PFKFB2: variants seen among roughly 807,000 people sequenced by gnomAD.
PFKFB2 encodes 6-phosphofructo-2-kinase/fructose-2,6-biphosphatase 2.
Under a neutral mutation model 68.0 loss-of-function variants are expected in PFKFB2, and 53 were observed. The ratio of observed to expected loss-of-function variants is 0.78; its 90% CI spans 0.63 to 0.98. The LOEUF (loss-of-function observed/expected upper bound fraction) is 0.98. Ranked by LOEUF, PFKFB2 falls within the 50% of genes least tolerant of loss-of-function variation. The pLI, the probability that PFKFB2 is intolerant of heterozygous loss-of-function variation, is 0.00. For missense variants in PFKFB2, 451 were observed against 642.0 expected, an observed-to-expected ratio of 0.70 and a Z score of 3.22; for synonymous variants, 222 against 227.6, an observed-to-expected ratio of 0.98 and a Z score of 0.22.
At chr1:207,047,018 T>C (rs371219136) in intron 2 of PFKFB2, 1 of 152,358 alleles carries the variant, frequency 6.6e-6, no homozygotes, top group African/African-American at 2.4e-5. Flanking sequence ...TTGATAATTG[T>C]TATCTAGTGG....
rs755302163 is a variant in PFKFB2, at chr1:207,071,474, TTTCTTTAAGTCCTC to T, written c.1286-33_1286-20del. On this transcript the variant is annotated intron_variant, in intron 13 of 14. Coordinates refer to ENST00000367080, the MANE Select transcript of PFKFB2 (RefSeq NM_006212.2). Reference sequence around the variant, plus strand: ...ACTAAGGAATTTTCCATTGAACCTTTTTCTTTAAGTCCTCTCTTTCCTCTGTTTTCTCAGGGTGC... The same window carrying T: ...ACTAAGGAATTTTCCATTGAACCTTTTCTTTCCTCTGTTTTCTCAGGGTGC... 3.2e-6 allele frequency: 5 copies of T among 1,574,862 alleles called. No homozygotes were observed. The African/African-American group carries it at 6.8e-5, about 21-fold the overall frequency.
rs1250839260 is a variant in PFKFB2, at chr1:207,074,454, A to T, written c.*2083A>T. 1 of 985,322 alleles carries T rather than the reference A, an allele frequency of 1.0e-6. No homozygotes were observed. The highest frequency in any genetic ancestry group is 6.1e-5 in the Admixed American group (1 of 16,264). The allele number at this position is 985,322 out of a possible 1,614,324, so 61.0% of individuals were successfully genotyped here. On this transcript the variant is annotated 3_prime_UTR_variant, in exon 15 of 15. Coordinates refer to ENST00000367080, the MANE Select transcript of PFKFB2 (RefSeq NM_006212.2). ...CTCTAGAGAGCAGCTGGGGATTTTAAGCACCCTGGAGAGAGGTGCAGACCC... is the reference window on the plus strand; with the variant it reads ...CTCTAGAGAGCAGCTGGGGATTTTATGCACCCTGGAGAGAGGTGCAGACCC...
chr1:207,051,434 A>C (rs1254932684), upstream of PFKFB2, among the ~76,000 whole-genome samples: 2 of 152,256 alleles, frequency 1.3e-5, no homozygotes, highest in African/African-American at 4.8e-5. Context: ...GGACCAGTCA[A>C]AAACAATCAC....
At chr1:207,079,200 G>T (rs1572743574), downstream of PFKFB2, 1 of 615,300 alleles carries the variant, frequency 1.6e-6, no homozygotes, top group East Asian at 2.7e-5. Context: ...GGGAATATCA[G>T]TTACACTGAA....
chr1:207,052,310 A>G, upstream of PFKFB2: 1 of 1,257,090 alleles, frequency 8.0e-7, no homozygotes, highest in Non-Finnish European at 1.2e-6. Context: ...GACGACTGCA[A>G]CGGATGATAC....
rs946466381 is a variant in PFKFB2 at position 207,063,884 on chromosome 1, G to A, written c.507+55G>A. ...CTTCACCTTTTGTGCTGTGTGTGTT[G>A]TGGGGTGTGTGTGTGTGTGTGTGTG... On this transcript the variant is annotated intron_variant, in intron 7 of 14. Coordinates refer to ENST00000367080, the MANE Select transcript of PFKFB2 (RefSeq NM_006212.2). The surrounding 1 kb of genome is among the most constrained non-coding windows in gnomAD (Gnocchi z 4.1). 12 of 837,900 alleles carry A rather than the reference G, an allele frequency of 1.4e-5. No homozygotes were observed. Among genetic ancestry groups the A allele is most frequent in the African/African-American group, 2.3e-5 (1 of 43,022 alleles). 51.9% of individuals were successfully genotyped at this position (837,900 alleles called of 1,614,324 possible).
chr1:207,054,981 C>T (rs770268274), intron 2 of PFKFB2, 179 bp downstream of exon 2: 1 of 559,386 alleles, frequency 1.8e-6, no homozygotes, highest in Non-Finnish European at 3.2e-6. Flanking sequence ...AGTGAAATGT[C>T]TGTTCTTGGG....
Position 207,071,664 on chromosome 1 carries a change from T to C in PFKFB2, c.1350+91T>C. ...TCAAGAGACTGGGGTTTCTTTTATGTACAAAAGGGAAACAGATTCAGAACT... is the reference window on the plus strand; with the variant it reads ...TCAAGAGACTGGGGTTTCTTTTATGCACAAAAGGGAAACAGATTCAGAACT... On this transcript the variant is annotated intron_variant, in intron 14 of 14. Coordinates refer to ENST00000367080, the MANE Select transcript of PFKFB2 (RefSeq NM_006212.2). The C allele has an allele frequency of 4.5e-6, 4 of 892,570 alleles. No individual in the cohort carries two copies. In the South Asian group the frequency reaches 5.7e-5, roughly 13 times the overall value. The allele number at this position is 892,570 out of a possible 1,614,324, so 55.3% of individuals were successfully genotyped here.
intron 2 of PFKFB2, among the ~76,000 whole-genome samples, chr1:207,059,742 A>G (rs1262821091): frequency 6.6e-6 from 1 of 152,032 alleles, no homozygotes; most frequent in Non-Finnish European, 1.5e-5. Flanking sequence ...AAACACCCTT[A>G]GGAAACTTTT....
At chr1:207,079,183 G>A (rs1043726527), downstream of PFKFB2, 6 of 654,994 alleles carry the variant, frequency 9.2e-6, no homozygotes, top group African/African-American at 9.0e-5. Flanking sequence ...CTCCCCTCCT[G>A]CCTAATGGGA....
chr1:207,043,019 CTTT>C (rs766354163), intron 2 of PFKFB2, among the ~76,000 whole-genome samples: 1 of 142,530 alleles, frequency 7.0e-6, no homozygotes, highest in Non-Finnish European at 1.5e-5. Context: ...GATTCCCAAA[CTTT>C]TTTTTTTTTT....
chr1:207,053,555 A>G (rs1682818409), intron 1 of PFKFB2, among the ~76,000 whole-genome samples, 189 bp downstream of exon 1: 1 of 152,186 alleles, frequency 6.6e-6, no homozygotes, highest in South Asian at 2.1e-4. Flanking sequence ...GGAATCGTGT[A>G]AGGCTCTTGA....
intron 3 of PFKFB2, 149 bp downstream of exon 3, chr1:207,062,227 T>A: frequency 8.9e-7 from 1 of 1,119,226 alleles, no homozygotes; most frequent in Non-Finnish European, 1.3e-6. Flanking sequence ...TTATTCTCTA[T>A]TCCCAGACTT....
chr1:207,060,255 C>T (rs139415738), intron 2 of PFKFB2, among the ~76,000 whole-genome samples: 1 of 152,294 alleles, frequency 6.6e-6, no homozygotes, highest in East Asian at 1.9e-4. Flanking sequence ...ATTATGTGTC[C>T]CTAGACAAGT....
chr1:207,077,441 T>C lies in PFKFB2; in HGVS notation c.*5070T>C. The C allele has an allele frequency of 1.0e-6, 1 of 985,278 alleles. No homozygotes were observed. Among genetic ancestry groups the C allele is most frequent in the Non-Finnish European group, 1.2e-6 (1 of 829,808 alleles). 61.0% of individuals were successfully genotyped at this position (985,278 alleles called of 1,614,324 possible). ...TTTGTATCTGAATTGCTTATGTACG[T>C]TTTTTATTATATTGACCTAACAAGA... On this transcript the variant is annotated 3_prime_UTR_variant, in exon 15 of 15. Transcript: ENST00000367080.
chr1:207,052,075 C>T, upstream of PFKFB2: 1 of 859,254 alleles, frequency 1.2e-6, no homozygotes. Flanking sequence ...GTTCTTTATC[C>T]AGCCGGGATT....
chr1:207,050,779 G>A (rs765840248), upstream of PFKFB2: 10 of 1,613,346 alleles, frequency 6.2e-6, no homozygotes, highest in Middle Eastern at 4.9e-4. Context: ...GCTGACCGCC[G>A]GGGGCGATCC....
chr1:207,039,391 A>G (rs1372902072), intron 1 of PFKFB2, among the ~76,000 whole-genome samples: 7 of 152,244 alleles, frequency 4.6e-5, no homozygotes, highest in African/African-American at 1.7e-4. Context: ...TGTCCTACAT[A>G]ACAGACTCTA....
Position 207,062,056 on chromosome 1 carries a change from C to T in PFKFB2, c.189C>T (p.Asn63=), listed in dbSNP as rs775535860. 3.7e-6 allele frequency: 6 copies of T among 1,614,064 alleles called. No individual in the cohort carries two copies. The highest frequency in any genetic ancestry group is 5.1e-6 in the Non-Finnish European group (6 of 1,179,888). The change falls in exon 3 of 15, where the codon AAC becomes AAT. Residue 63 remains asparagine, a synonymous_variant. Coordinates refer to ENST00000367080, the MANE Select transcript of PFKFB2 (RefSeq NM_006212.2). ...CCAAGAAACTAACACGCTACCTCAA[C>T]TGGATTGGAGTCCCCACCAAAGGTA... ...YVSKKLTRYL[N]WIGVPTKVFN... is the part of the protein sequence containing the mutation.
Sources: gnomAD v4.1 joint callset for allele counts (sites outside exome capture counted in the v4.1 genomes callset) on GRCh38, gnomAD v4.1.1 for gene constraint, Gnocchi (gnomAD v3.1) non-coding constraint, MANE v1.5 for transcripts, NCBI Gene and HGNC (gene_info 2026-07-23, HGNC 2026-07-21) for gene names.